The following EIF2S3B variants were observed in gnomAD, a reference collection of about 807,000 sequenced individuals.
The protein encoded by EIF2S3B is eukaryotic translation initiation factor 2 subunit 3B.
A neutral mutation model predicts 26.4 loss-of-function variants in EIF2S3B; 16 were observed. The ratio of observed to expected loss-of-function variants is 0.61; its 90% confidence interval spans 0.41 to 0.92. The LOEUF (loss-of-function observed/expected upper bound fraction) is 0.92. Among genes scored for constraint, EIF2S3B ranks in the 40% least tolerant of loss-of-function variants. The probability of loss-of-function intolerance (pLI) is 0.00; values close to 1 mark genes in which losing one functional copy is unlikely to be tolerated. For synonymous variants in EIF2S3B, 183 were observed against 204.4 expected, an observed-to-expected ratio of 0.90 and a Z score of 0.89; for missense variants, 510 against 575.5, an observed-to-expected ratio of 0.89 and a Z score of 1.16.
downstream of EIF2S3B, among the ~76,000 whole-genome samples, chr12:10,508,973 T>G (rs1157114313): frequency 2.0e-5 from 3 of 152,172 alleles, no homozygotes; most frequent in African/African-American, 7.2e-5. Flanking sequence ...GAGGGTAATA[T>G]TAATACAATA....
downstream of EIF2S3B, among the ~76,000 whole-genome samples, chr12:10,512,433 C>T (rs1279131251): frequency 6.6e-6 from 1 of 152,138 alleles, no homozygotes; most frequent in African/African-American, 2.4e-5. Flanking sequence ...AGTATACAAC[C>T]TACTTATTGT....
intron 1 of EIF2S3B, among the ~76,000 whole-genome samples, chr12:10,518,391 A>C (rs933798729): frequency 3.9e-5 from 6 of 151,964 alleles, no homozygotes; most frequent in Non-Finnish European, 8.8e-5. Flanking sequence ...TGTTGGTTTA[A>C]AGTCTGTTTT....
intron 1 of EIF2S3B, among the ~76,000 whole-genome samples, chr12:10,520,488 T>C (rs893317764): frequency 1.3e-5 from 2 of 149,332 alleles, no homozygotes; most frequent in Non-Finnish European, 3.0e-5. Context: ...TGTGCACATG[T>C]ACCCTAAAAC....
At chr12:10,517,356 A>G (rs1864768052) in intron 1 of EIF2S3B, among the ~76,000 whole-genome samples, 1 of 151,058 alleles carries the variant, frequency 6.6e-6, no homozygotes. Context: ...GTATGTGTCG[A>G]GGAATTTATC....
Position 10,506,211 on chromosome 12 carries a change from A to G in EIF2S3B, c.309A>G (p.Arg103=). 6.3e-7 allele frequency: 1 copy of G among 1,592,020 alleles called. No individual in the cohort carries two copies. The highest frequency in any genetic ancestry group is 8.6e-7 in the Non-Finnish European group (1 of 1,160,036). The change falls in exon 1 of 1, where the codon CGA becomes CGG. Residue 103 remains arginine, a synonymous_variant. Transcript: ENST00000538173. ...GTTGCCCTCGGCCAGAATGTTATCG[A>G]TCTTGTGGGAGCAGTATGCCTGATG... The part of the protein sequence containing the change: ...DPSCPRPECY[R]SCGSSMPDEF...
At chr12:10,514,331 CATAAT>C (rs973226964) in intron 1 of EIF2S3B, among the ~76,000 whole-genome samples, 58 of 152,174 alleles carry the variant, frequency 3.8e-4, no homozygotes, top group African/African-American at 1.4e-3. Context: ...TCTCTTCTAA[CATAAT>C]ATAATACTCC....
chr12:10,514,653 G>A (rs1387407145), intron 1 of EIF2S3B, among the ~76,000 whole-genome samples: 1 of 152,114 alleles, frequency 6.6e-6, no homozygotes, highest in Non-Finnish European at 1.5e-5. Context: ...ACATTTAATA[G>A]AATTATATCC....
chr12:10,522,726 C>T (rs1864846518), exon 2 of EIF2S3B: 1 of 682,520 alleles, frequency 1.5e-6, no homozygotes, highest in Non-Finnish European at 2.7e-6. Flanking sequence ...AGAAAAAAGA[C>T]AAAAGAAAAC....
chr12:10,514,791 T>C (rs975482153), intron 1 of EIF2S3B, among the ~76,000 whole-genome samples: 1 of 152,148 alleles, frequency 6.6e-6, no homozygotes, highest in Admixed American at 6.6e-5. Context: ...CTACCCATCA[T>C]TGCTTTTTTT....
chr12:10,509,970 G>C (rs1442093418), downstream of EIF2S3B, among the ~76,000 whole-genome samples: 4 of 152,054 alleles, frequency 2.6e-5, no homozygotes, highest in Non-Finnish European at 2.9e-5. Flanking sequence ...GACAGTAAGA[G>C]ATCATCTTCC....
At chr12:10,517,699 T>C (rs1864774149) in intron 1 of EIF2S3B, among the ~76,000 whole-genome samples, 1 of 152,138 alleles carries the variant, frequency 6.6e-6, no homozygotes, top group Non-Finnish European at 1.5e-5. Flanking sequence ...TTAATTGTGA[T>C]GTTAGGTTGT....
rs577551249 is a variant in EIF2S3B, at chr12:10,506,364, A to G, written c.462A>G (p.Ala154=). The G allele has an allele frequency of 5.0e-6, 8 of 1,614,162 alleles. No homozygotes were observed. The highest frequency in any genetic ancestry group is 6.8e-6 in the Non-Finnish European group (8 of 1,180,016). The stretch of plus-strand genomic sequence containing the variant: ...TGAACGGTGCAGCAGTGATGGATGC[A>G]GCTCTTCTGTTGATAGCTGGTAATG... ...TMLNGAAVMD[A]ALLLIAGNES... Residue 154 remains alanine (A), a synonymous_variant, in exon 1 of 1, where the codon GCA becomes GCG. Coordinates refer to ENST00000538173, the MANE Select transcript of EIF2S3B (RefSeq NM_001357734.3).
At position 10,505,984 on chromosome 12, in the gene EIF2S3B, T is replaced by G; in HGVS notation, c.82T>G (p.Leu28Val). The part of the protein sequence containing the change: ...QDLTTLDVTK[L>V]TPLSHEVISR... ...TCTCACCACCTTGGATGTTACCAAG[T>G]TGACGCCACTTTCACACGAAGTTAT... Residue 28 changes from leucine (L) to valine (V), a missense_variant, in exon 1 of 1, where the codon TTG becomes GTG. Physicochemically the swap from Leu to Val is conservative, Grantham distance 32 (BLOSUM62 1). Transcript: ENST00000538173. 1 of 1,605,930 alleles carries G rather than the reference T, an allele frequency of 6.2e-7. No homozygotes were observed. The highest frequency in any genetic ancestry group is 8.5e-7 in the Non-Finnish European group (1 of 1,172,478).
At chr12:10,522,841 T>C (rs1366411292) in exon 2 of EIF2S3B, 2 of 523,112 alleles carry the variant, frequency 3.8e-6, no homozygotes, top group Non-Finnish European at 6.8e-6. Flanking sequence ...AAAATCTTAT[T>C]GCAACATGTT....
chr12:10,510,540 T>G (rs963310801), downstream of EIF2S3B, among the ~76,000 whole-genome samples: 1 of 152,170 alleles, frequency 6.6e-6, no homozygotes, highest in Non-Finnish European at 1.5e-5. Flanking sequence ...GGCACAGCCT[T>G]TTTCTTGAAA....
intron 1 of EIF2S3B, among the ~76,000 whole-genome samples, chr12:10,516,757 T>C (rs899125182): frequency 1.3e-5 from 2 of 152,024 alleles, no homozygotes; most frequent in African/African-American, 2.4e-5. Context: ...TTGTCATAGA[T>C]AGCTCTTATT....
chr12:10,506,714 T>C lies in EIF2S3B; in HGVS notation c.812T>C (p.Val271Ala), dbSNP rs1453449614. ...SFDVNKPGCE[V>A]DDLKGGVAGG... is the part of the protein sequence containing the mutation. ...GATGTCAACAAACCTGGCTGTGAAGTTGATGACCTTAAGGGAGGTGTAGCT... is the reference window on the plus strand; with the variant it reads ...GATGTCAACAAACCTGGCTGTGAAGCTGATGACCTTAAGGGAGGTGTAGCT... The change falls in exon 1 of 1, where the codon GTT becomes GCT. Residue 271 changes from valine (V) to alanine (A), a missense_variant. Val to Ala is a moderately conservative substitution (Grantham distance 64, BLOSUM62 0). Coordinates refer to ENST00000538173, the MANE Select transcript of EIF2S3B (RefSeq NM_001357734.3). The C allele has an allele frequency of 1.2e-6, 2 of 1,614,014 alleles. No individual in the cohort carries two copies. The highest frequency in any genetic ancestry group is 1.1e-5 in the South Asian group (1 of 91,066).
At chr12:10,512,239 C>T (rs186491162), downstream of EIF2S3B, among the ~76,000 whole-genome samples, 124 of 152,140 alleles carry the variant, frequency 8.2e-4, 1 homozygote, top group Middle Eastern at 6.8e-3. Context: ...AATCTTGCAC[C>T]GTAGTCTTTA....
chr12:10,517,910 G>A (rs1864779292), intron 1 of EIF2S3B, among the ~76,000 whole-genome samples: 1 of 151,700 alleles, frequency 6.6e-6, no homozygotes, highest in South Asian at 2.1e-4. Flanking sequence ...TTTCCATGTA[G>A]TTGAGTGGTT....
Sources: gnomAD v4.1 joint callset for allele counts (sites outside exome capture counted in the v4.1 genomes callset) on GRCh38, gnomAD v4.1.1 for gene constraint, MANE v1.5 for transcripts, NCBI Gene and HGNC (gene_info 2026-07-23, HGNC 2026-07-21) for gene names.